The following CCM2L variants were observed in gnomAD, a reference collection of about 807,000 sequenced individuals.
The protein encoded by CCM2L is CCM2 like scaffold protein.
A neutral mutation model predicts 54.1 loss-of-function variants in CCM2L; 36 were observed. The observed-to-expected ratio is 0.67, with a 90% CI of 0.51 to 0.88. The LOEUF is 0.88. CCM2L is among the 40% of genes least tolerant of loss of function. The pLI is 0.00. For synonymous variants in CCM2L, 351 were observed against 359.3 expected (o/e 0.98, Z 0.26); for missense variants, 700 against 812.1 (o/e 0.86, Z 1.68).
At chr20:32,030,824 T>A (rs1460791689) in intron 9 of CCM2L, among the ~76,000 whole-genome samples, 177 bp from the exon 10 acceptor site, 1 of 151,668 alleles carries the variant, frequency 6.6e-6, no homozygotes, top group Non-Finnish European at 1.5e-5. Context: ...GAGCATTCAC[T>A]GTGTGCTGAG....
At chr20:32,010,654 A>G (rs1168190815) in intron 1 of CCM2L, among the ~76,000 whole-genome samples, 170 bp downstream of exon 1, 1 of 152,056 alleles carries the variant, frequency 6.6e-6, no homozygotes, top group East Asian at 1.9e-4. Flanking sequence ...GTCAGGCTCT[A>G]AACTCCCTGT....
Position 32,015,029 on chromosome 20 carries a change from C to T in CCM2L, c.156C>T (p.Asp52=). The T allele has an allele frequency of 6.5e-7, 1 of 1,549,244 alleles. No homozygotes were observed. Among genetic ancestry groups the T allele is most frequent in the Non-Finnish European group, 8.7e-7 (1 of 1,150,882 alleles). ...MPLYPPDYLI[D]PQILLCDYLE... Reference sequence around the variant, plus strand: ...TTTATCCCCCCGACTACCTCATCGACCCCCAGATTCTGCTGTGTGACTACC... The same window carrying T: ...TTTATCCCCCCGACTACCTCATCGATCCCCAGATTCTGCTGTGTGACTACC... The change falls in exon 2 of 10, where the codon GAC becomes GAT. Residue 52 remains aspartate, a synonymous_variant. Transcript: ENST00000452892.
Position 32,014,972 on chromosome 20 carries a change from C to T in CCM2L, c.99C>T (p.Ser33=), listed in dbSNP as rs112249840. 0.072 allele frequency: 114,626 copies of T among 1,596,036 alleles called. 4,569 individuals are homozygous for T. The highest frequency in any genetic ancestry group is 0.094 in the African/African-American group (6,922 of 73,460). ...GGCGCCGGGCAGCCTGTAGGAGCAG[C>T]GTGAGCCGCCGGCCCCTGCACTCGA... is the stretch of plus-strand genomic sequence containing the variant. ...KAGRRAACRS[S]VSRRPLHSMP... Residue 33 remains serine, a synonymous_variant, in exon 2 of 10, where the codon AGC becomes AGT. Transcript: ENST00000452892.
In CCM2L at chr20:32,029,762, G is replaced by C. The variant is rs574357994; in HGVS notation, c.1326G>C (p.Arg442=). 3 of 1,613,536 alleles carry C rather than the reference G, an allele frequency of 1.9e-6. No individual in the cohort carries two copies. In the African/African-American group the frequency reaches 4.0e-5, roughly 22 times the overall value. The stretch of plus-strand genomic sequence containing the variant: ...TTGCGATGCTGCTGCGGGAGTACCG[G>C]CTGGGGCTGCCCATCCAGGACTATT... The part of the protein sequence containing the change: ...QQFAMLLREY[R]LGLPIQDYCT... Residue 442 remains arginine (R), a synonymous_variant, in exon 9 of 10, where the codon CGG becomes CGC. Coordinates refer to ENST00000452892, the MANE Select transcript of CCM2L (RefSeq NM_001365692.1).
Position 32,014,980 on chromosome 20 carries a change from G to A in CCM2L, c.107G>A (p.Arg36His), listed in dbSNP as rs769382467. The A allele has an allele frequency of 2.0e-5, 31 of 1,588,888 alleles. No individual in the cohort carries two copies. Among genetic ancestry groups the A allele is most frequent in the Non-Finnish European group, 2.4e-5 (28 of 1,169,090 alleles). Reference sequence around the variant, plus strand: ...GCAGCCTGTAGGAGCAGCGTGAGCCGCCGGCCCCTGCACTCGATGCCCCTT... The same window carrying A: ...GCAGCCTGTAGGAGCAGCGTGAGCCACCGGCCCCTGCACTCGATGCCCCTT... ...RRAACRSSVSRRPLHSMPLYP... is the reference protein window; with the variant it reads ...RRAACRSSVSHRPLHSMPLYP... Residue 36 changes from arginine to histidine, a missense_variant, in exon 2 of 10, where the codon CGC becomes CAC. Physicochemically the swap from Arg to His is conservative, Grantham distance 29. Coordinates refer to ENST00000452892, the MANE Select transcript of CCM2L (RefSeq NM_001365692.1).
chr20:32,010,654 A>C (rs1168190815), intron 1 of CCM2L, among the ~76,000 whole-genome samples, 170 bp downstream of exon 1: 1 of 152,056 alleles, frequency 6.6e-6, no homozygotes, highest in Non-Finnish European at 1.5e-5. Context: ...GTCAGGCTCT[A>C]AACTCCCTGT....
At position 32,017,833 on chromosome 20, in the gene CCM2L, C is replaced by A; in HGVS notation, c.232C>A (p.Leu78Met). ...CCACCTTACCTGGGTGACTTCCTCA[C>A]TGAACCCCTCCAGTCGGGACGAGCT... ...LGHLTWVTSSLNPSSRDELLQ... is the reference protein window; with the variant it reads ...LGHLTWVTSSMNPSSRDELLQ... Residue 78 changes from leucine to methionine, a missense_variant, in exon 3 of 10, where the codon CTG becomes ATG. Physicochemically the swap from Leu to Met is conservative, Grantham distance 15 (BLOSUM62 2). Transcript: ENST00000452892. 6.2e-7 allele frequency: 1 copy of A among 1,614,156 alleles called. No individual in the cohort carries two copies. Among genetic ancestry groups the A allele is most frequent in the Non-Finnish European group, 8.5e-7 (1 of 1,180,032 alleles).
In CCM2L at chr20:32,010,485, G is replaced by GTA; in HGVS notation, c.30+2_30+3dup. On this transcript the variant is annotated splice_donor_variant, in intron 1 of 9. Coordinates refer to ENST00000452892, the MANE Select transcript of CCM2L (RefSeq NM_001365692.1). LOFTEE classifies it high-confidence loss of function. ...ATATGAAGTCAAGAAAGGGAAGAAGGTAGGTGGGAGGTTGGGAGGGACGAA... is the reference window on the plus strand; with the variant it reads ...ATATGAAGTCAAGAAAGGGAAGAAGGTATAGGTGGGAGGTTGGGAGGGACGAA... 2.0e-6 allele frequency: 3 copies of GTA among 1,471,642 alleles called. No homozygotes were observed. The highest frequency in any genetic ancestry group is 2.7e-6 in the Non-Finnish European group (3 of 1,096,654). The allele number at this position is 1,471,642 out of a possible 1,614,324, so 91.2% of individuals were successfully genotyped here. A position where few individuals can be genotyped will look rare whatever the true frequency, so the allele number is the denominator to read the frequency against.
Position 32,019,342 on chromosome 20 carries a change from C to T in CCM2L, c.866C>T (p.Pro289Leu), listed in dbSNP as rs2064779432. 1 of 1,470,356 alleles carries T rather than the reference C, an allele frequency of 6.8e-7. No homozygotes were observed. The highest frequency in any genetic ancestry group is 9.0e-7 in the Non-Finnish European group (1 of 1,114,798). The allele number at this position is 1,470,356 out of a possible 1,614,324, so 91.1% of individuals were successfully genotyped here. ...GAGCGGCGCCACCCCGGCCCCAACC[C>T]GCTCGACCCGCAGGACCCCAGCCCC... The part of the protein sequence containing the change: ...SWERRHPGPN[P>L]LDPQDPSPDA... The change falls in exon 5 of 10, where the codon CCG (proline) becomes CTG (leucine). Residue 289 changes from proline (P) to leucine (L), a missense_variant. Physicochemically the swap from Pro to Leu is moderately conservative, Grantham distance 98. Coordinates refer to ENST00000452892, the MANE Select transcript of CCM2L (RefSeq NM_001365692.1).
intron 6 of CCM2L, among the ~76,000 whole-genome samples, 181 bp downstream of exon 6, chr20:32,022,976 T>C (rs1193538123): frequency 6.6e-6 from 1 of 151,898 alleles, no homozygotes; most frequent in Non-Finnish European, 1.5e-5. Flanking sequence ...TCTTTTCTTT[T>C]TTCTTTTTTG....
At chr20:32,019,846 T>C (rs750156470) in intron 5 of CCM2L, among the ~76,000 whole-genome samples, 11 of 152,262 alleles carry the variant, frequency 7.2e-5, no homozygotes, top group Non-Finnish European at 1.6e-4. Context: ...CCGAGATCCA[T>C]AGGTGAAGTA....
chr20:32,022,554 A>G lies in CCM2L; in HGVS notation c.934-106A>G, dbSNP rs948153465. 7 of 1,353,626 alleles carry G rather than the reference A, an allele frequency of 5.2e-6. No individual in the cohort carries two copies. The African/African-American group carries it at 7.2e-5, about 14-fold the overall frequency. The allele number at this position is 1,353,626 out of a possible 1,614,324, so 83.9% of individuals were successfully genotyped here. A position where few individuals can be genotyped will look rare whatever the true frequency, so the allele number is the denominator to read the frequency against. The stretch of plus-strand genomic sequence containing the variant: ...CTTGAAAGCCAATTTAAAGGGCTCT[A>G]TAGGTGTGTATCTTTGTGCGCATCT... On this transcript the variant is annotated intron_variant, in intron 5 of 9. Transcript: ENST00000452892.
At chr20:32,011,266 C>T (rs2064692739) in intron 1 of CCM2L, among the ~76,000 whole-genome samples, 2 of 152,132 alleles carry the variant, frequency 1.3e-5, no homozygotes, top group Non-Finnish European at 2.9e-5. Context: ...GCCTATTATG[C>T]ACCAGGTATT....
rs192307170 is a variant in CCM2L, at chr20:32,031,131, G to A, written c.1533G>A (p.Ser511=). 29 of 1,304,002 alleles carry A rather than the reference G, an allele frequency of 2.2e-5. No homozygotes were observed. The East Asian group carries it at 1.3e-3, about 60-fold the overall frequency. The allele number at this position is 1,304,002 out of a possible 1,614,324, so 80.8% of individuals were successfully genotyped here. ...TCAAGCGCAGCATGAGCTCCACGTC[G>A]GCCTCCGCAGTGCGCAGCTACGATG... is the stretch of plus-strand genomic sequence containing the variant. ...GRIKRSMSST[S]ASAVRSYDGA... is the part of the protein sequence containing the mutation. The change falls in exon 10 of 10, where the codon TCG becomes TCA. Residue 511 remains serine (S), a synonymous_variant. Coordinates refer to ENST00000452892, the MANE Select transcript of CCM2L (RefSeq NM_001365692.1).
At chr20:32,012,987 A>C (rs1217578079) in intron 1 of CCM2L, among the ~76,000 whole-genome samples, 1 of 151,698 alleles carries the variant, frequency 6.6e-6, no homozygotes, top group African/African-American at 2.4e-5. Flanking sequence ...TTACCTAAGA[A>C]GGCTTAAAAA....
chr20:32,010,972 G>A (rs1447217366), intron 1 of CCM2L, among the ~76,000 whole-genome samples: 2 of 152,192 alleles, frequency 1.3e-5, no homozygotes, highest in Non-Finnish European at 2.9e-5. Flanking sequence ...CGTATGTAAG[G>A]CGTCAGCCAG....
chr20:32,018,773 G>T (rs1019997671), intron 4 of CCM2L, among the ~76,000 whole-genome samples, 170 bp from the exon 5 acceptor site: 1 of 152,148 alleles, frequency 6.6e-6, no homozygotes, highest in African/African-American at 2.4e-5. Context: ...GGGCGGGCCC[G>T]AAAGTGTGGA....
intron 2 of CCM2L, 79 bp downstream of exon 2, chr20:32,015,150 A>G: frequency 7.4e-7 from 1 of 1,352,086 alleles, no homozygotes; most frequent in Non-Finnish European, 9.8e-7. Context: ...AGTTCTGATC[A>G]GCCGTATCTC....
intron 5 of CCM2L, among the ~76,000 whole-genome samples, chr20:32,020,722 A>T (rs1463767446): frequency 6.6e-6 from 1 of 152,150 alleles, no homozygotes; most frequent in East Asian, 1.9e-4. Flanking sequence ...AAACATAACC[A>T]AGCCTGTAAT....
Sources: gnomAD v4.1 joint callset for allele counts (sites outside exome capture counted in the v4.1 genomes callset) on GRCh38, gnomAD v4.1.1 for gene constraint, MANE v1.5 for transcripts, NCBI Gene and HGNC (gene_info 2026-07-23, HGNC 2026-07-21) for gene names.